Variants in IMMP2L observed in about 807,000 individuals in gnomAD.
IMMP2L encodes inner mitochondrial membrane peptidase subunit 2, also known as mitochondrial inner membrane protease subunit 2.
IMMP2L carries 18 observed loss-of-function variants against 19.3 expected under a neutral mutation model. The ratio of observed to expected loss-of-function variants is 0.93; its 90% CI spans 0.64 to 1.38. The LOEUF is 1.38. Among genes scored for constraint, IMMP2L ranks in the 40% most tolerant of loss-of-function variants. IMMP2L has a pLI of 0.00. For synonymous variants in IMMP2L, 76 were observed against 73.0 expected, an observed-to-expected ratio of 1.04 and a Z score of -0.21; for missense variants, 233 against 218.2, an observed-to-expected ratio of 1.07 and a Z score of -0.43.
chr7:110,738,829 C>T (rs530538205), intron 5 of IMMP2L, among the ~76,000 whole-genome samples: 28 of 152,298 alleles, frequency 1.8e-4, no homozygotes, highest in African/African-American at 6.7e-4. Context: ...GCATCAGGTT[C>T]TGTAATGGAA....
chr7:111,242,011 T>C (rs1288246109), intron 3 of IMMP2L, among the ~76,000 whole-genome samples: 2 of 152,076 alleles, frequency 1.3e-5, no homozygotes, highest in African/African-American at 2.4e-5. Flanking sequence ...CTTTAACCAA[T>C]ATGTGAAATA....
chr7:111,222,234 T>C (rs928221255), intron 3 of IMMP2L, among the ~76,000 whole-genome samples: 2 of 152,030 alleles, frequency 1.3e-5, no homozygotes, highest in East Asian at 1.9e-4. Context: ...TTAGACCTAA[T>C]GTGAAAAGTA....
intron 2 of IMMP2L, among the ~76,000 whole-genome samples, chr7:111,502,309 G>A (rs1844365935): frequency 6.6e-6 from 1 of 152,078 alleles, no homozygotes; most frequent in Non-Finnish European, 1.5e-5. Flanking sequence ...GGAGCACCCA[G>A]GTTCATAAAG....
At chr7:111,392,213 T>G (rs146828871) in intron 3 of IMMP2L, among the ~76,000 whole-genome samples, 1 of 152,114 alleles carries the variant, frequency 6.6e-6, no homozygotes, top group East Asian at 1.9e-4. Flanking sequence ...GGATATACTG[T>G]CTAACCAGGA....
chr7:110,769,456 C>G (rs1798892228), intron 5 of IMMP2L, among the ~76,000 whole-genome samples: 1 of 152,130 alleles, frequency 6.6e-6, no homozygotes, highest in African/African-American at 2.4e-5. Context: ...TTATCTAGGT[C>G]TCCTCCTTCC....
At chr7:111,523,232 G>GT (rs1254166273) in intron 1 of IMMP2L, among the ~76,000 whole-genome samples, 1 of 151,934 alleles carries the variant, frequency 6.6e-6, no homozygotes, top group African/African-American at 2.4e-5. Context: ...ACAGTTAATG[G>GT]TAAGATATTG....
intron 5 of IMMP2L, among the ~76,000 whole-genome samples, chr7:110,683,758 T>G (rs1792907334): frequency 6.6e-6 from 1 of 152,156 alleles, no homozygotes; most frequent in Non-Finnish European, 1.5e-5. Flanking sequence ...TAGACTTCAT[T>G]GTTGTTACAT....
At chr7:111,009,841 A>G (rs879672072) in intron 3 of IMMP2L, among the ~76,000 whole-genome samples, 12 of 152,156 alleles carry the variant, frequency 7.9e-5, no homozygotes, top group Non-Finnish European at 7.4e-5. Context: ...TTTTGAGAAC[A>G]GAACAAAAGC....
intron 3 of IMMP2L, among the ~76,000 whole-genome samples, chr7:111,256,689 A>C (rs1816735283): frequency 6.6e-6 from 1 of 152,084 alleles, no homozygotes; most frequent in South Asian, 2.1e-4. Context: ...TTTCTGTACC[A>C]CAGGATAATC....
intron 3 of IMMP2L, among the ~76,000 whole-genome samples, chr7:111,443,038 T>C (rs1304869482): frequency 1.3e-5 from 2 of 151,946 alleles, no homozygotes; most frequent in South Asian, 2.1e-4. Context: ...GATTTTTCAT[T>C]TGAGTTTTTC....
At chr7:111,524,633 G>C (rs568346527) in intron 1 of IMMP2L, among the ~76,000 whole-genome samples, 1 of 152,174 alleles carries the variant, frequency 6.6e-6, no homozygotes, top group South Asian at 2.1e-4. Context: ...GGTGTTTAAA[G>C]GTCAGCTGTT....
At chr7:110,889,542 G>A (rs1339397294) in intron 4 of IMMP2L, among the ~76,000 whole-genome samples, 2 of 152,196 alleles carry the variant, frequency 1.3e-5, no homozygotes, top group African/African-American at 4.8e-5. Context: ...GGCAGTGGCT[G>A]TTAATACAGA....
At chr7:110,998,895 C>G (rs1823326110) in intron 3 of IMMP2L, among the ~76,000 whole-genome samples, 1 of 152,164 alleles carries the variant, frequency 6.6e-6, no homozygotes, top group South Asian at 2.1e-4. Flanking sequence ...AACAAACTTA[C>G]AGCAATCTTC....
intron 3 of IMMP2L, among the ~76,000 whole-genome samples, chr7:111,468,228 A>G (rs927298903): frequency 1.3e-5 from 2 of 152,178 alleles, no homozygotes; most frequent in Admixed American, 1.3e-4. Context: ...CCAAGTATAG[A>G]AAGCATATGT....
intron 2 of IMMP2L, among the ~76,000 whole-genome samples, chr7:111,501,338 T>A (rs1450488838): frequency 6.6e-6 from 1 of 152,176 alleles, no homozygotes; most frequent in Non-Finnish European, 1.5e-5. Flanking sequence ...AGACCAAATC[T>A]ACGTCTGATT....
rs1800959785 is a variant in IMMP2L at position 111,123,891 on chromosome 7, C to G, written c.240-160326G>C. The G allele has an allele frequency of 3.7e-6, 6 of 1,613,912 alleles. No individual in the cohort carries two copies. The highest frequency in any genetic ancestry group is 5.1e-6 in the Non-Finnish European group (6 of 1,179,992). ...TACACAGTAACCCCATCAGGTGTGACTGTGTCATCCGTTGGATGAACATGA... is the reference window on the plus strand; with the variant it reads ...TACACAGTAACCCCATCAGGTGTGAGTGTGTCATCCGTTGGATGAACATGA... On this transcript the variant is annotated intron_variant, in intron 3 of 5. Transcript: ENST00000405709. This position sits in a 1 kb window ranked among gnomAD's most constrained non-coding sequence, Gnocchi z 6.4.
intron 3 of IMMP2L, among the ~76,000 whole-genome samples, chr7:111,343,998 T>C (rs1827286981): frequency 1.3e-5 from 2 of 152,140 alleles, no homozygotes; most frequent in Admixed American, 1.3e-4. Flanking sequence ...TGCAAAGGGA[T>C]ATTTTGAATC....
At chr7:111,390,259 C>T (rs1243908045) in intron 3 of IMMP2L, among the ~76,000 whole-genome samples, 5 of 152,114 alleles carry the variant, frequency 3.3e-5, no homozygotes, top group African/African-American at 4.8e-5. Flanking sequence ...TGTCTGAGGG[C>T]CCCACTGGCT....
At chr7:110,783,678 T>C (rs184733700) in intron 5 of IMMP2L, among the ~76,000 whole-genome samples, 13 of 151,932 alleles carry the variant, frequency 8.6e-5, no homozygotes, top group East Asian at 3.9e-4. Context: ...TATCAAACAA[T>C]TGAAAGAGGA....
Sources: gnomAD v4.1 joint callset for allele counts (sites outside exome capture counted in the v4.1 genomes callset) on GRCh38, gnomAD v4.1.1 for gene constraint, Gnocchi (gnomAD v3.1) non-coding constraint, MANE v1.5 for transcripts, NCBI Gene and HGNC (gene_info 2026-07-23, HGNC 2026-07-21) for gene names.